The following ZNF737 variants were observed in gnomAD, a reference collection of about 807,000 sequenced individuals.
ZNF737 encodes the protein zinc finger protein 102 (Y3).
ZNF737 carries 13 observed loss-of-function variants against 11.7 expected under a neutral mutation model. The ratio of observed to expected loss-of-function variants is 1.11; its 90% CI spans 0.73 to 1.77. The LOEUF is 1.77. ZNF737 is among the 40% of genes most tolerant of loss of function. ZNF737 has a pLI of 0.00. For missense variants in ZNF737, 636 were observed against 638.0 expected (o/e 1.00, Z 0.03); for synonymous variants, 217 against 216.2 (o/e 1.00, Z -0.03).
At chr19:20,559,700 TAAC>T (rs1969013147) in intron 1 of ZNF737, among the ~76,000 whole-genome samples, 1 of 152,186 alleles carries the variant, frequency 6.6e-6, no homozygotes, top group Non-Finnish European at 1.5e-5. Flanking sequence ...CTCACAGAAC[TAAC>T]AACAGAATTA....
chr19:20,544,220 G>A lies in ZNF737; in HGVS notation c.*372C>T, dbSNP rs1568425095. Reference sequence around the variant, plus strand: ...CCAGCATGAATTATGTGTAAGAAGGGTTCAGAACTTCCTAAAAGCGTTGTC... The same window carrying A: ...CCAGCATGAATTATGTGTAAGAAGGATTCAGAACTTCCTAAAAGCGTTGTC... On this transcript the variant is annotated 3_prime_UTR_variant, in exon 4 of 4. Transcript: ENST00000427401. 3 of 1,045,620 alleles carry A rather than the reference G, an allele frequency of 2.9e-6. No homozygotes were observed. The highest frequency in any genetic ancestry group is 3.5e-6 in the Non-Finnish European group (3 of 868,244). 64.8% of individuals were successfully genotyped at this position (1,045,620 alleles called of 1,614,324 possible). A position where few individuals can be genotyped will look rare whatever the true frequency, so the allele number is the denominator to read the frequency against.
At chr19:20,551,061 C>CT (rs1360610366) in intron 3 of ZNF737, 1 of 152,250 alleles carries the variant, frequency 6.6e-6, no homozygotes, top group Non-Finnish European at 1.5e-5. Context: ...ACTGGGGTCC[C>CT]TGAAGAGGTT....
At position 20,539,754 on chromosome 19, in the gene ZNF737, A is replaced by G. The variant is rs1377313455; in HGVS notation, c.*4838T>C. The stretch of plus-strand genomic sequence containing the variant: ...AGGTATACTTTTTGAAGTAAGTTCA[A>G]TTTTAGGACATTACCCACTGGTCTT... On this transcript the variant is annotated 3_prime_UTR_variant, in exon 4 of 4. Transcript: ENST00000427401. 3.0e-6 allele frequency: 3 copies of G among 985,208 alleles called. No homozygotes were observed. Among genetic ancestry groups the G allele is most frequent in the Non-Finnish European group, 3.6e-6 (3 of 829,866 alleles). The allele number at this position is 985,208 out of a possible 1,614,324, so 61.0% of individuals were successfully genotyped here.
At chr19:20,560,306 G>A (rs1186703742) in intron 1 of ZNF737, among the ~76,000 whole-genome samples, 1 of 151,990 alleles carries the variant, frequency 6.6e-6, no homozygotes, top group Non-Finnish European at 1.5e-5. Context: ...CCAATATCAT[G>A]CCATGGCACT....
rs1277467506 is a variant in ZNF737 at position 20,542,534 on chromosome 19, AAC to A, written c.*2056_*2057del. ...GGCATGAGCCATCAAGCCCGGCCCT[AAC>A]AGTTTTAAAATGCACTGCATTTTAT... On this transcript the variant is annotated 3_prime_UTR_variant, in exon 4 of 4. Coordinates refer to ENST00000427401, the MANE Select transcript of ZNF737 (RefSeq NM_001159293.2). 2.0e-6 allele frequency: 2 copies of A among 981,588 alleles called. No individual in the cohort carries two copies. The highest frequency in any genetic ancestry group is 1.8e-5 in the African/African-American group (1 of 57,058). The allele number at this position is 981,588 out of a possible 1,614,324, so 60.8% of individuals were successfully genotyped here. A position where few individuals can be genotyped will look rare whatever the true frequency, so the allele number is the denominator to read the frequency against.
chr19:20,547,147 C>G (rs112334149), intron 3 of ZNF737, among the ~76,000 whole-genome samples: 1 of 151,738 alleles, frequency 6.6e-6, no homozygotes. Flanking sequence ...TTTTGGAGGC[C>G]GAGGCAGGTG....
Position 20,540,629 on chromosome 19 carries a change from C to G in ZNF737, c.*3963G>C. 1 of 183,434 alleles carries G rather than the reference C, an allele frequency of 5.5e-6. No individual in the cohort carries two copies. 11.4% of individuals were successfully genotyped at this position (183,434 alleles called of 1,614,324 possible). A position where few individuals can be genotyped will look rare whatever the true frequency, so the allele number is the denominator to read the frequency against. On this transcript the variant is annotated 3_prime_UTR_variant, in exon 4 of 4. Coordinates refer to ENST00000427401, the MANE Select transcript of ZNF737 (RefSeq NM_001159293.2). ...CAAAAATTAGTCAGACGTGGTGGTG[C>G]ATGCCTGTAATCCCAGCTACTTAGG...
intron 1 of ZNF737, among the ~76,000 whole-genome samples, chr19:20,555,372 CG>C (rs1239919068): frequency 6.6e-6 from 1 of 151,878 alleles, no homozygotes; most frequent in African/African-American, 2.4e-5. Context: ...TTAATAGAGA[CG>C]GGGTTTCACT....
chr19:20,559,436 G>A (rs782771809), intron 1 of ZNF737, among the ~76,000 whole-genome samples: 13 of 151,564 alleles, frequency 8.6e-5, no homozygotes, highest in East Asian at 1.9e-4. Flanking sequence ...AATGCTCATC[G>A]CTAATCACGG....
At chr19:20,530,386 G>A in the ZNF737 span, among the ~76,000 whole-genome samples, 1 of 148,018 alleles carries the variant, frequency 6.8e-6, no homozygotes, top group East Asian at 2.1e-4. Context: ...CTCCCGGACG[G>A]GGCGACTGGC....
chr19:20,562,340 ATTTT>A (rs56851244), intron 1 of ZNF737, among the ~76,000 whole-genome samples: 101 of 123,754 alleles, frequency 8.2e-4, no homozygotes, highest in African/African-American at 2.9e-3. Flanking sequence ...CACCTGGCTA[ATTTT>A]TTTTTTTTTT....
intron 1 of ZNF737, among the ~76,000 whole-genome samples, chr19:20,561,481 T>G (rs1387251531): frequency 1.3e-5 from 2 of 152,086 alleles, no homozygotes; most frequent in East Asian, 3.9e-4. Flanking sequence ...CTTCTAAGTT[T>G]TCAGTCCTCT....
In ZNF737 at chr19:20,553,711, A is replaced by G; in HGVS notation, c.128T>C (p.Leu43Pro). 5 of 1,613,548 alleles carry G rather than the reference A, an allele frequency of 3.1e-6. No individual in the cohort carries two copies. The highest frequency in any genetic ancestry group is 4.2e-6 in the Non-Finnish European group (5 of 1,179,760). The stretch of plus-strand genomic sequence containing the variant: ...TTATGTATTAAAGTTTTTCTCACCA[A>G]GGAAGACCAGGTTTCTGTAGTTCTC... Reference protein sequence around the residue: ...MLENYRNLVFLGIVVSKPDLI... With the variant: ...MLENYRNLVFPGIVVSKPDLI... The change falls in exon 2 of 4, where the codon CTT becomes CCT. Residue 43 changes from leucine to proline, a missense_variant and splice_region_variant. Transcript: ENST00000427401.
chr19:20,564,250 T>C (rs1555763214), intron 1 of ZNF737: 1 of 152,204 alleles, frequency 6.6e-6, no homozygotes, highest in East Asian at 1.9e-4. Context: ...TCATCACATA[T>C]AATTTAGCAT....
chr19:20,539,156 G>A lies in ZNF737; in HGVS notation c.*5436C>T. On this transcript the variant is annotated 3_prime_UTR_variant, in exon 4 of 4. Transcript: ENST00000427401. Reference sequence around the variant, plus strand: ...ACTACAAAAATTATCCGGGCATAATGGCGGGTGCCTGTTATCCCAGCTACT... The same window carrying A: ...ACTACAAAAATTATCCGGGCATAATAGCGGGTGCCTGTTATCCCAGCTACT... The A allele has an allele frequency of 1.8e-6, 1 of 551,736 alleles. No homozygotes were observed. The highest frequency in any genetic ancestry group is 2.3e-6 in the Non-Finnish European group (1 of 434,302). The allele number at this position is 551,736 out of a possible 1,614,324, so 34.2% of individuals were successfully genotyped here. A position where few individuals can be genotyped will look rare whatever the true frequency, so the allele number is the denominator to read the frequency against.
intron 2 of ZNF737, among the ~76,000 whole-genome samples, chr19:20,552,796 G>A (rs2562637): frequency 0.3 from 45,484 of 151,724 alleles, 7,025 homozygotes; most frequent in East Asian, 0.47. Flanking sequence ...GGTGAATCAC[G>A]AGGTCATGAG....
chr19:20,544,978 A>C lies in ZNF737; in HGVS notation c.1225T>G (p.Ser409Ala), dbSNP rs782777931. 6.2e-7 allele frequency: 1 copy of C among 1,612,138 alleles called. No individual in the cohort carries two copies. The highest frequency in any genetic ancestry group is 2.2e-5 in the East Asian group (1 of 44,722). The stretch of plus-strand genomic sequence containing the variant: ...ATCTTATGTGTAGTAAGGGAAGAGG[A>C]GTACTTAAAGGCTTCGCCACATTCT... Reference protein sequence around the residue: ...CEECGEAFKYSSSLTTHKIIH... With the variant: ...CEECGEAFKYASSLTTHKIIH... The change falls in exon 4 of 4, where the codon TCC (serine) becomes GCC (alanine). Residue 409 changes from serine (S) to alanine (A), a missense_variant. Ser to Ala is a moderately conservative substitution (Grantham distance 99, BLOSUM62 1). Transcript: ENST00000427401.
At chr19:20,558,311 C>G (rs1013216938) in intron 1 of ZNF737, among the ~76,000 whole-genome samples, 1 of 151,210 alleles carries the variant, frequency 6.6e-6, no homozygotes, top group African/African-American at 2.4e-5. Context: ...AATAACAATT[C>G]TTCTGTTCAT....
At chr19:20,564,748 C>A (rs782554307) in intron 1 of ZNF737, among the ~76,000 whole-genome samples, 1 of 151,872 alleles carries the variant, frequency 6.6e-6, no homozygotes, top group Non-Finnish European at 1.5e-5. Context: ...AATCAGTCCG[C>A]TGTGGCGTGT....
Sources: gnomAD v4.1 joint callset for allele counts (sites outside exome capture counted in the v4.1 genomes callset) on GRCh38, gnomAD v4.1.1 for gene constraint, MANE v1.5 for transcripts, NCBI Gene and HGNC (gene_info 2026-07-23, HGNC 2026-07-21) for gene names.